Variants in NACA observed in about 807,000 individuals in gnomAD.
NACA encodes the protein nascent polypeptide associated complex subunit alpha.
A neutral mutation model predicts 86.4 loss-of-function variants in NACA; 42 were observed. The ratio of observed to expected loss-of-function variants is 0.49; its 90% CI spans 0.38 to 0.63. NACA has a LOEUF of 0.63. NACA is among the 20% of genes least tolerant of loss of function. The pLI is 0.00. For synonymous variants in NACA, 898 were observed against 973.7 expected, an observed-to-expected ratio of 0.92 and a Z score of 1.45; for missense variants, 2,157 against 2,483.6, an observed-to-expected ratio of 0.87 and a Z score of 2.80.
chr12:56,722,696 C>CAAAACAAAA (rs3837441), intron 2 of NACA, among the ~76,000 whole-genome samples: 1 of 151,682 alleles, frequency 6.6e-6, no homozygotes, highest in African/African-American at 2.4e-5. Context: ...CGTCTCAAAA[C>CAAAACAAAA]AAAACAAACC....
In NACA at chr12:56,721,363, C is replaced by T; in HGVS notation, c.167G>A (p.Cys56Tyr). ...PPPCSPAPQQ[C>Y]PLSAANQASP... Reference sequence around the variant, plus strand: ...AGCCTGGTTAGCAGCTGAGAGAGGGCACTGTTGTGGGGCAGGAGAGCAAGG... The same window carrying T: ...AGCCTGGTTAGCAGCTGAGAGAGGGTACTGTTGTGGGGCAGGAGAGCAAGG... Residue 56 changes from cysteine (C) to tyrosine (Y), a missense_variant, in exon 3 of 9, where the codon TGC becomes TAC. Around this residue, in one of 8 missense-constraint regions of NACA, gnomAD observed 947 missense variants for 917.9 expected, o/e 1.03. Coordinates refer to ENST00000454682, the MANE Select transcript of NACA (RefSeq NM_001365896.1). 1 of 1,601,750 alleles carries T rather than the reference C, an allele frequency of 6.2e-7. No homozygotes were observed. Among genetic ancestry groups the T allele is most frequent in the Non-Finnish European group, 8.5e-7 (1 of 1,174,954 alleles).
chr12:56,720,898 G>T lies in NACA; in HGVS notation c.632C>A (p.Thr211Asn). 1 of 1,614,022 alleles carries T rather than the reference G, an allele frequency of 6.2e-7. No individual in the cohort carries two copies. Among genetic ancestry groups the T allele is most frequent in the Non-Finnish European group, 8.5e-7 (1 of 1,179,882 alleles). Residue 211 changes from threonine to asparagine, a missense_variant, in exon 3 of 9, where the codon ACT becomes AAT. Transcript: ENST00000454682. ...GGGAGTCACACAGTGGTAAGGAACA[G>T]TACTGACTATACATGGAGGGCTGGG... is the stretch of plus-strand genomic sequence containing the variant. ...GTPSPPCIVS[T>N]VPYHCVTPMA...
rs144176092 is a variant in NACA at position 56,719,573 on chromosome 12, C to T, written c.1957G>A (p.Ala653Thr). 2.7e-4 allele frequency: 440 copies of T among 1,613,896 alleles called. No homozygotes were observed. The highest frequency in any genetic ancestry group is 3.6e-4 in the Non-Finnish European group (423 of 1,179,874). ...PTVAAFPLESADPAGVAPTTA... is the reference protein window; with the variant it reads ...PTVAAFPLESTDPAGVAPTTA... ...GTGGGAGCCACCCCGGCAGGGTCAGCACTTTCCAAAGGAAATGCAGCCACT... is the reference window on the plus strand; with the variant it reads ...GTGGGAGCCACCCCGGCAGGGTCAGTACTTTCCAAAGGAAATGCAGCCACT... The change falls in exon 3 of 9, where the codon GCT (alanine) becomes ACT (threonine). Residue 653 changes from alanine (A) to threonine (T), a missense_variant. By Grantham distance (58) the Ala-to-Thr change is moderately conservative. Around this residue, in one of 8 missense-constraint regions of NACA, gnomAD observed 947 missense variants for 917.9 expected, o/e 1.03. Transcript: ENST00000454682.
In NACA at chr12:56,718,874, G is replaced by C; in HGVS notation, c.2656C>G (p.Pro886Ala). 1 of 1,419,986 alleles carries C rather than the reference G, an allele frequency of 7.0e-7. No homozygotes were observed. Among genetic ancestry groups the C allele is most frequent in the Non-Finnish European group, 9.4e-7 (1 of 1,059,220 alleles). 88.0% of individuals were successfully genotyped at this position (1,419,986 alleles called of 1,614,324 possible). A position where few individuals can be genotyped will look rare whatever the true frequency, so the allele number is the denominator to read the frequency against. The change falls in exon 3 of 9, where the codon CCC becomes GCC. Residue 886 changes from proline (P) to alanine (A), a missense_variant. By Grantham distance (27) the Pro-to-Ala change is conservative. Transcript: ENST00000454682. ...KGVTLPPKET[P>A]TPSVVNLPFP... is the part of the protein sequence containing the mutation. ...GGCAGATTCACCACTGAAGGAGTGG[G>C]GGTCTCTTTGGGGGGTAGTGTTACT...
At position 56,719,310 on chromosome 12, in the gene NACA, G is replaced by T; in HGVS notation, c.2220C>A (p.Pro740=). 1 of 1,602,158 alleles carries T rather than the reference G, an allele frequency of 6.2e-7. No individual in the cohort carries two copies. Residue 740 remains proline (P), a synonymous_variant, in exon 3 of 9, where the codon CCC becomes CCA. Transcript: ENST00000454682. Reference sequence around the variant, plus strand: ...TTGTACCTGGAGGAGTCCCAGCTGGGGGAAGAGAGGGTGAGGGCACAGACT... The same window carrying T: ...TTGTACCTGGAGGAGTCCCAGCTGGTGGAAGAGAGGGTGAGGGCACAGACT... ...IPKSVPSPSL[P]PAGTPPGTKK... is the part of the protein sequence containing the mutation.
rs1565896914 is a variant in NACA at position 56,719,227 on chromosome 12, T to C, written c.2303A>G (p.Lys768Arg). Residue 768 changes from lysine (K) to arginine (R), a missense_variant, in exon 3 of 9, where the codon AAA becomes AGA. By Grantham distance (26) the Lys-to-Arg change is conservative (BLOSUM62 2). Around this residue, in one of 8 missense-constraint regions of NACA, gnomAD observed 947 missense variants for 917.9 expected, o/e 1.03. Coordinates refer to ENST00000454682, the MANE Select transcript of NACA (RefSeq NM_001365896.1). ...SALAPVASSP[K>R]ECPTEDSGAS... ...ACCAGAGTCCTCAGTTGGGCACTCT[T>C]TGGGAGAGGAAGCAACAGGTGCCAA... 5.3e-6 allele frequency: 8 copies of C among 1,505,048 alleles called. No individual in the cohort carries two copies. Among genetic ancestry groups the C allele is most frequent in the Non-Finnish European group, 7.2e-6 (8 of 1,110,154 alleles). The allele number at this position is 1,505,048 out of a possible 1,614,324, so 93.2% of individuals were successfully genotyped here.
In NACA at chr12:56,713,113, A is replaced by G; in HGVS notation, c.6048T>C (p.Ile2016=). The G allele has an allele frequency of 6.8e-6, 11 of 1,613,982 alleles. No homozygotes were observed. The highest frequency in any genetic ancestry group is 8.5e-6 in the Non-Finnish European group (10 of 1,179,970). ...FKVQGEAVSN[I]QENTQTPTVQ... The stretch of plus-strand genomic sequence containing the variant: ...CAGTTGGAGTCTGTGTGTTTTCTTG[A>G]ATGTTTGAGACAGCTTCACCTTGAA... Residue 2016 remains isoleucine (I), a synonymous_variant, in exon 7 of 9, where the codon ATT becomes ATC. Transcript: ENST00000454682.
Position 56,718,300 on chromosome 12 carries a change from T to C in NACA, c.3230A>G (p.Lys1077Arg), listed in dbSNP as rs527469860. ...CGCAGCTGGGGGAGTGGGGGCCCCC[T>C]TGAGGGATGGGGTAGCTGGACCTCC... Reference protein sequence around the residue: ...PKGGPATPSLKGAPTPPAATP... With the variant: ...PKGGPATPSLRGAPTPPAATP... The change falls in exon 3 of 9, where the codon AAG becomes AGG. Residue 1077 changes from lysine (K) to arginine (R), a missense_variant. Around this residue, in one of 8 missense-constraint regions of NACA, gnomAD observed 124 missense variants for 186.5 expected, o/e 0.66. Transcript: ENST00000454682. 5.4e-6 allele frequency: 6 copies of C among 1,117,820 alleles called. No individual in the cohort carries two copies. The highest frequency in any genetic ancestry group is 4.7e-5 in the East Asian group (1 of 21,094). 69.2% of individuals were successfully genotyped at this position (1,117,820 alleles called of 1,614,324 possible).
rs758661515 is a variant in NACA at position 56,720,504 on chromosome 12, A to T, written c.1026T>A (p.Asp342Glu). 304 of 1,613,764 alleles carry T rather than the reference A, an allele frequency of 1.9e-4. No homozygotes were observed. Among genetic ancestry groups the T allele is most frequent in the Non-Finnish European group, 2.4e-4 (286 of 1,179,790 alleles). ...GATAAGAGGCCCCTGTGGAAGAATG[A>T]TCTACAGAAATGGTCTTCACTGTAG... Reference protein sequence around the residue: ...SDPTVKTISVDHSSTGASYPS... With the variant: ...SDPTVKTISVEHSSTGASYPS... Residue 342 changes from aspartate (D) to glutamate (E), a missense_variant, in exon 3 of 9, where the codon GAT becomes GAA. This residue lies in a region of NACA where 947 missense variants were observed against 917.9 expected (regional missense o/e 1.03). Coordinates refer to ENST00000454682, the MANE Select transcript of NACA (RefSeq NM_001365896.1).
At position 56,720,079 on chromosome 12, in the gene NACA, A is replaced by G. The variant is rs1473002572; in HGVS notation, c.1451T>C (p.Val484Ala). ...CTCTTTGGGAGCCACAGGTGCCATA[A>G]CCAAGGCAGCAGGGGAAGTTGGTTC... ...NIEPTSPAAL[V>A]MAPVAPKEPS... The change falls in exon 3 of 9, where the codon GTT (valine) becomes GCT (alanine). Residue 484 changes from valine (V) to alanine (A), a missense_variant. By Grantham distance (64) the Val-to-Ala change is moderately conservative. Around this residue, in one of 8 missense-constraint regions of NACA, gnomAD observed 947 missense variants for 917.9 expected, o/e 1.03. Coordinates refer to ENST00000454682, the MANE Select transcript of NACA (RefSeq NM_001365896.1). The G allele has an allele frequency of 6.2e-7, 1 of 1,613,878 alleles. No individual in the cohort carries two copies.
Position 56,720,755 on chromosome 12 carries a change from G to A in NACA, c.775C>T (p.Gln259Ter). ...TTCAGGCTGAGGCTTCCTGGGTTTT[G>A]TGGAGAAATCAGAACTGAGGAAATG... ...TTISSVLISP[Q>*]NPGSLSLKGP... Residue 259 changes from glutamine to a stop codon, truncating the protein, a stop_gained, in exon 3 of 9, where the codon CAA becomes TAA. Coordinates refer to ENST00000454682, the MANE Select transcript of NACA (RefSeq NM_001365896.1). LOFTEE classifies it high-confidence loss of function. 1.2e-6 allele frequency: 2 copies of A among 1,614,014 alleles called. No individual in the cohort carries two copies. The highest frequency in any genetic ancestry group is 1.1e-5 in the South Asian group (1 of 91,080).
At position 56,718,760 on chromosome 12, in the gene NACA, T is replaced by C. The variant is rs757248373; in HGVS notation, c.2770A>G (p.Thr924Ala). Residue 924 changes from threonine to alanine, a missense_variant, in exon 3 of 9, where the codon ACT becomes GCT. Transcript: ENST00000454682. The stretch of plus-strand genomic sequence containing the variant: ...GCTGGGATTCCTTTAGGGGCTGGAG[T>C]TGCTCGGGCCTTTTTGGGGGAGGAA... ...TSSSPKKARATPAPKGIPASP... is the reference protein window; with the variant it reads ...TSSSPKKARAAPAPKGIPASP... 7 of 1,438,368 alleles carry C rather than the reference T, an allele frequency of 4.9e-6. No homozygotes were observed. The highest frequency in any genetic ancestry group is 6.6e-6 in the Non-Finnish European group (7 of 1,068,322). 89.1% of individuals were successfully genotyped at this position (1,438,368 alleles called of 1,614,324 possible).
At position 56,718,635 on chromosome 12, in the gene NACA, G is replaced by A; in HGVS notation, c.2895C>T (p.Pro965=). ...ATPSPKWAPT[P]PAATPPSPKG... Reference sequence around the variant, plus strand: ...TTGGGGAGGGAGGAGTTGCAGCTGGGGGTGTGGGGGCCCATTTCGGGGATG... The same window carrying A: ...TTGGGGAGGGAGGAGTTGCAGCTGGAGGTGTGGGGGCCCATTTCGGGGATG... Residue 965 remains proline, a synonymous_variant, in exon 3 of 9, where the codon CCC becomes CCT. Coordinates refer to ENST00000454682, the MANE Select transcript of NACA (RefSeq NM_001365896.1). The A allele has an allele frequency of 3.8e-6, 5 of 1,320,624 alleles. No homozygotes were observed. Among genetic ancestry groups the A allele is most frequent in the Non-Finnish European group, 4.9e-6 (5 of 1,015,474 alleles). 81.8% of individuals were successfully genotyped at this position (1,320,624 alleles called of 1,614,324 possible).
intron 3 of NACA, among the ~76,000 whole-genome samples, chr12:56,715,631 C>CCACATTACACATTACACATTA (rs1953332127): frequency 6.6e-6 from 1 of 152,076 alleles, no homozygotes; most frequent in Admixed American, 6.6e-5. Context: ...GTAGTCCGGG[C>CCACATTACACATTACACATTA]CACATTACAC....
intron 2 of NACA, among the ~76,000 whole-genome samples, chr12:56,721,815 G>A (rs959313712): frequency 6.6e-6 from 1 of 152,154 alleles, no homozygotes; most frequent in Non-Finnish European, 1.5e-5. Context: ...TCCTTTCCCA[G>A]TTGTGCCCTC....
chr12:56,718,980 T>G lies in NACA; in HGVS notation c.2550A>C (p.Pro850=). 1.4e-6 allele frequency: 2 copies of G among 1,447,568 alleles called. No homozygotes were observed. The highest frequency in any genetic ancestry group is 2.3e-5 in the South Asian group (2 of 88,694). The allele number at this position is 1,447,568 out of a possible 1,614,324, so 89.7% of individuals were successfully genotyped here. The stretch of plus-strand genomic sequence containing the variant: ...GAGGAGTGGGAGAATGCGTCGTGGC[T>G]GGTGAGTCTTTAGAGCCTTGGAAAG... ...SLSFQGSKDS[P]ATTHSPTPPS... Residue 850 remains proline, a synonymous_variant, in exon 3 of 9, where the codon CCA becomes CCC. Transcript: ENST00000454682.
chr12:56,718,914 A>G lies in NACA; in HGVS notation c.2616T>C (p.Pro872=), dbSNP rs551627714. Residue 872 remains proline (P), a synonymous_variant, in exon 3 of 9, where the codon CCT becomes CCC. Coordinates refer to ENST00000454682, the MANE Select transcript of NACA (RefSeq NM_001365896.1). ...KGAPTPSAVT[P]LSPKGVTLPP... is the part of the protein sequence containing the mutation. ...GTAGTGTTACTCCTTTGGGAGACAG[A>G]GGAGTCACAGCTGAGGGAGTAGGGG... 12 of 1,435,000 alleles carry G rather than the reference A, an allele frequency of 8.4e-6. No homozygotes were observed. The highest frequency in any genetic ancestry group is 1.9e-4 in the Middle Eastern group (1 of 5,184). The allele number at this position is 1,435,000 out of a possible 1,614,324, so 88.9% of individuals were successfully genotyped here.
At position 56,720,245 on chromosome 12, in the gene NACA, C is replaced by A; in HGVS notation, c.1285G>T (p.Ala429Ser). Residue 429 changes from alanine to serine, a missense_variant, in exon 3 of 9, where the codon GCC (alanine) becomes TCC (serine). Ala to Ser is a moderately conservative substitution (Grantham distance 99, BLOSUM62 1). This residue lies in a region of NACA where 947 missense variants were observed against 917.9 expected (regional missense o/e 1.03). Coordinates refer to ENST00000454682, the MANE Select transcript of NACA (RefSeq NM_001365896.1). ...CCAACAGAAGAAACGGGCATTTGGG[C>A]CACTAAAGGATAATGATAAGTGGCA... ...PNATYHYPLV[A>S]QMPVSSVGTT... is the part of the protein sequence containing the mutation. The A allele has an allele frequency of 1.9e-6, 3 of 1,613,786 alleles. No individual in the cohort carries two copies. Among genetic ancestry groups the A allele is most frequent in the South Asian group, 1.1e-5 (1 of 91,066 alleles).
rs753189040 is a variant in NACA at position 56,721,312 on chromosome 12, A to G, written c.218T>C (p.Ile73Thr). The G allele has an allele frequency of 1.2e-6, 2 of 1,612,034 alleles. No individual in the cohort carries two copies. Among genetic ancestry groups the G allele is most frequent in the African/African-American group, 1.3e-5 (1 of 74,672 alleles). Residue 73 changes from isoleucine to threonine, a missense_variant, in exon 3 of 9, where the codon ATT becomes ACT. Ile to Thr is a moderately conservative substitution (Grantham distance 89). Coordinates refer to ENST00000454682, the MANE Select transcript of NACA (RefSeq NM_001365896.1). ...QASPFPSPST[I>T]ASTPLEVPFP... ...AGGAACTTCTAAAGGGGTCGAGGCA[A>G]TAGTAGAGGGGGAAGGGAATGGGGA...
Sources: allele counts gnomAD v4.1 joint callset (sites outside exome capture counted in the v4.1 genomes callset), GRCh38; gene constraint gnomAD v4.1.1; regional missense constraint gnomAD v4.1.1; transcripts MANE v1.5; gene names NCBI Gene and HGNC (gene_info 2026-07-23, HGNC 2026-07-21).